The following FHIT variants were observed in gnomAD, a reference collection of about 807,000 sequenced individuals.
FHIT encodes fragile histidine triad diadenosine triphosphatase, also known as bis(5'-adenosyl)-triphosphatase.
In FHIT, 19 loss-of-function variants were observed where a neutral mutation model predicts 17.9. That is an observed-to-expected ratio of 1.06 (90% CI 0.74 to 1.56). FHIT has a LOEUF of 1.56. FHIT is among the 40% of genes most tolerant of loss of function. FHIT has a pLI of 0.00. For synonymous variants in FHIT, 81 were observed against 69.7 expected (o/e 1.16, Z -0.81); for missense variants, 248 against 189.2 (o/e 1.31, Z -1.82).
At chr3:60,399,186 C>G (rs768266629) in intron 5 of FHIT, among the ~76,000 whole-genome samples, 1 of 152,150 alleles carries the variant, frequency 6.6e-6, no homozygotes, top group Non-Finnish European at 1.5e-5. Flanking sequence ...AAAGTTTCCT[C>G]TTATCATCAT....
chr3:60,178,749 T>C (rs73831970), intron 5 of FHIT, among the ~76,000 whole-genome samples: 1,583 of 152,302 alleles, frequency 0.01, 23 homozygotes, highest in African/African-American at 0.037. Context: ...GTGATATATA[T>C]TGAAGAAAGA....
chr3:60,524,197 GACACACACACACACACACACACACAC>G (rs56975783), intron 5 of FHIT, among the ~76,000 whole-genome samples: 31,500 of 144,960 alleles, frequency 0.22, 3,691 homozygotes, highest in Non-Finnish European at 0.26. Flanking sequence ...GTCAGCCTGA[GACACACACACACACACACACACACAC>G]ACACACACAC....
At chr3:60,677,472 A>G (rs543541822) in intron 4 of FHIT, among the ~76,000 whole-genome samples, 1 of 152,304 alleles carries the variant, frequency 6.6e-6, no homozygotes, top group Admixed American at 6.5e-5. Context: ...ATGTTGTTGT[A>G]AAAGACATGT....
In FHIT at chr3:60,255,394, G is replaced by A. The variant is rs147734176; in HGVS notation, c.104-241242C>T. 2.5e-3 allele frequency among the ~76,000 whole-genome samples: 386 copies of A among 152,272 alleles called. 4 individuals carry two copies. The highest frequency in any genetic ancestry group is 0.014 in the East Asian group (73 of 5,172). The stretch of plus-strand genomic sequence containing the variant: ...GGATGGCACAGGGGTTGCAAAGACA[G>A]ATGTCTTTAGGGGCCTGGCAGGTAC... On this transcript the variant is annotated intron_variant, in intron 5 of 9. Transcript: ENST00000492590.
At chr3:61,170,891 G>A (rs2037984019) in intron 2 of FHIT, among the ~76,000 whole-genome samples, 1 of 152,060 alleles carries the variant, frequency 6.6e-6, no homozygotes, top group Non-Finnish European at 1.5e-5. Flanking sequence ...ATATAGCCAA[G>A]ATTTTTCCAT....
intron 2 of FHIT, among the ~76,000 whole-genome samples, chr3:61,123,925 A>C (rs1297434523): frequency 6.6e-6 from 1 of 152,188 alleles, no homozygotes; most frequent in Non-Finnish European, 1.5e-5. Flanking sequence ...AAGAAAAGGT[A>C]TGTGAATAAC....
intron 2 of FHIT, among the ~76,000 whole-genome samples, chr3:61,181,302 T>C (rs920549501): frequency 6.6e-5 from 10 of 152,294 alleles, no homozygotes; most frequent in Admixed American, 3.9e-4. Context: ...CAAATAAATA[T>C]ACAAATATAT....
chr3:59,808,185 G>A (rs1700278362), intron 8 of FHIT, among the ~76,000 whole-genome samples: 1 of 152,150 alleles, frequency 6.6e-6, no homozygotes, highest in African/African-American at 2.4e-5. Flanking sequence ...CATACAATAT[G>A]TGGCCTTTAG....
At chr3:60,763,873 A>C (rs74701508) in intron 4 of FHIT, among the ~76,000 whole-genome samples, 17,132 of 152,214 alleles carry the variant, frequency 0.11, 1,121 homozygotes, top group African/African-American at 0.18. Flanking sequence ...TCAGATAAAG[A>C]TATCCCTTCT....
intron 7 of FHIT, among the ~76,000 whole-genome samples, chr3:59,995,210 A>C (rs1387042186): frequency 6.6e-6 from 1 of 152,082 alleles, no homozygotes; most frequent in African/African-American, 2.4e-5. Flanking sequence ...TAGAAAAAAA[A>C]AACAACAGAA....
At chr3:60,127,258 G>T (rs1009672005) in intron 5 of FHIT, among the ~76,000 whole-genome samples, 1 of 152,144 alleles carries the variant, frequency 6.6e-6, no homozygotes, top group East Asian at 1.9e-4. Context: ...TTATTAATGA[G>T]TACCCAGACC....
Position 60,287,513 on chromosome 3 carries a change from A to C in FHIT, c.103+249347T>G, listed in dbSNP as rs1018165585. On this transcript the variant is annotated intron_variant, in intron 5 of 9. Transcript: ENST00000492590. Reference sequence around the variant, plus strand: ...GACATTAGACTGCTGAGAGTACTACATATATGACAGTTTATTAGTATTGCT... The same window carrying C: ...GACATTAGACTGCTGAGAGTACTACCTATATGACAGTTTATTAGTATTGCT... 2.6e-5 allele frequency among the ~76,000 whole-genome samples: 4 copies of C among 152,316 alleles called. No homozygotes were observed. The East Asian group carries it at 7.7e-4, about 29-fold the overall frequency.
chr3:60,794,712 A>T (rs1700914339), intron 4 of FHIT, among the ~76,000 whole-genome samples: 1 of 152,196 alleles, frequency 6.6e-6, no homozygotes, highest in African/African-American at 2.4e-5. Context: ...ATTGTTTATT[A>T]ACTTTAAATT....
At position 60,756,371 on chromosome 3, in the gene FHIT, C is replaced by T. The variant is rs372307753; in HGVS notation, c.-18+65548G>A. Among the ~76,000 whole-genome samples the T allele has an allele frequency of 4.1e-4, 62 of 152,240 alleles. No individual in the cohort carries two copies. The South Asian group carries it at 0.01, about 25-fold the overall frequency. On this transcript the variant is annotated intron_variant, in intron 4 of 9. Transcript: ENST00000492590. The stretch of plus-strand genomic sequence containing the variant: ...AGTACTAACAAAGTGCTTCACCACA[C>T]AAAAGTGCTGTCTACATTTGTCTGG...
chr3:61,152,711 A>G (rs1223957891), intron 2 of FHIT, among the ~76,000 whole-genome samples: 2 of 152,224 alleles, frequency 1.3e-5, no homozygotes, highest in Admixed American at 1.3e-4. Flanking sequence ...AAGCCACGAA[A>G]GGACTTCAAA....
At chr3:60,535,315 A>G (rs1396885155) in intron 5 of FHIT, among the ~76,000 whole-genome samples, 1 of 152,184 alleles carries the variant, frequency 6.6e-6, no homozygotes, top group African/African-American at 2.4e-5. Flanking sequence ...GATCTTGTCT[A>G]AATTCATATT....
At position 60,014,108 on chromosome 3, in the gene FHIT, G is replaced by A; in HGVS notation, c.148C>T (p.Leu50=). 1.2e-6 allele frequency: 2 copies of A among 1,614,102 alleles called. No homozygotes were observed. Among genetic ancestry groups the A allele is most frequent in the Non-Finnish European group, 1.7e-6 (2 of 1,179,972 alleles). The change falls in exon 6 of 10, where the codon CTG becomes TTG. Residue 50 remains leucine, a synonymous_variant. Transcript: ENST00000492590. The part of the protein sequence containing the change: ...PLRPVERFHD[L]RPDEVADLFQ... ...AAATCGGCCACTTCATCAGGACGCA[G>A]GTCATGGAAGCGCTCCACTGGCCGC...
chr3:60,262,362 C>A (rs919696816), intron 5 of FHIT, among the ~76,000 whole-genome samples: 9 of 151,972 alleles, frequency 5.9e-5, no homozygotes, highest in African/African-American at 2.2e-4. Context: ...TAGGCCCTGA[C>A]AATGTCAAAC....
At chr3:61,127,768 GCT>G (rs956719937) in intron 2 of FHIT, among the ~76,000 whole-genome samples, 2 of 151,968 alleles carry the variant, frequency 1.3e-5, no homozygotes, top group African/African-American at 4.8e-5. Context: ...TACTCAGGAG[GCT>G]GAGACAGGAG....
Sources: gnomAD v4.1 joint callset for allele counts (sites outside exome capture counted in the v4.1 genomes callset) on GRCh38, gnomAD v4.1.1 for gene constraint, MANE v1.5 for transcripts, NCBI Gene and HGNC (gene_info 2026-07-23, HGNC 2026-07-21) for gene names.